The following KIAA0586 variants were observed in gnomAD, a reference collection of about 807,000 sequenced individuals.
KIAA0586 encodes KIAA0586.
KIAA0586 carries 144 observed loss-of-function variants against 169.8 expected under a neutral mutation model. The observed-to-expected ratio is 0.85, with a 90% CI of 0.74 to 0.97. The LOEUF (loss-of-function observed/expected upper bound fraction) is 0.97. KIAA0586 is among the 50% of genes least tolerant of loss of function. The pLI, the probability that KIAA0586 is intolerant of heterozygous loss-of-function variation, is 0.00. For missense variants in KIAA0586, 1,854 were observed against 1,823.0 expected (o/e 1.02, Z -0.31); for synonymous variants, 625 against 612.4 (o/e 1.02, Z -0.30).
chr14:58,445,783 C>CT (rs34119416), intron 6 of KIAA0586, among the ~76,000 whole-genome samples: 27,115 of 124,768 alleles, frequency 0.22, 5,619 homozygotes, highest in African/African-American at 0.53. Context: ...TCAGTAAACT[C>CT]TTTTTTTTTT....
At chr14:58,486,033 A>G (rs182848535) in intron 21 of KIAA0586, among the ~76,000 whole-genome samples, 226 of 152,208 alleles carry the variant, frequency 1.5e-3, no homozygotes, top group African/African-American at 5.1e-3. Flanking sequence ...TGTTATATGG[A>G]TATACTGGAC....
In KIAA0586 at chr14:58,450,768, C is replaced by A. The variant is rs778014268; in HGVS notation, c.1129+22C>A. The A allele has an allele frequency of 4.1e-6, 6 of 1,475,992 alleles. No individual in the cohort carries two copies. The African/African-American group carries it at 8.4e-5, about 21-fold the overall frequency. 91.4% of individuals were successfully genotyped at this position (1,475,992 alleles called of 1,614,324 possible). Reference sequence around the variant, plus strand: ...AGAGGTAATAGAGACTTTTACTAGACCTATCCCAAATTAGGAAATTGTCAT... The same window carrying A: ...AGAGGTAATAGAGACTTTTACTAGAACTATCCCAAATTAGGAAATTGTCAT... On this transcript the variant is annotated intron_variant, in intron 8 of 30. Transcript: ENST00000652326.
intron 5 of KIAA0586, 119 bp from the exon 6 acceptor site, chr14:58,443,835 G>C (rs2038623157): frequency 3.0e-6 from 2 of 655,808 alleles, no homozygotes; most frequent in Non-Finnish European, 5.3e-6. Context: ...CATTTAGTGG[G>C]TAAAGGCTCA....
rs868621645 is a variant in KIAA0586 at position 58,472,269 on chromosome 14, A to T, written c.2624A>T (p.Asp875Val). The change falls in exon 18 of 31, where the codon GAT (aspartate) becomes GTT (valine). Residue 875 changes from aspartate to valine, a missense_variant. Transcript: ENST00000652326. ...GGAACTAACTTTGATGAAATAATCG[A>T]TGTCATACAGGTAACAAAGCTTAGA... ...FPGTNFDEII[D>V]VIQEEEKCDE... The T allele has an allele frequency of 3.9e-6, 6 of 1,552,414 alleles. No individual in the cohort carries two copies. The highest frequency in any genetic ancestry group is 3.4e-4 in the Middle Eastern group (2 of 5,930).
chr14:58,458,543 C>A lies in KIAA0586; in HGVS notation c.1654C>A (p.Gln552Lys). 2 of 1,522,466 alleles carry A rather than the reference C, an allele frequency of 1.3e-6. No individual in the cohort carries two copies. Among genetic ancestry groups the A allele is most frequent in the Non-Finnish European group, 1.8e-6 (2 of 1,127,018 alleles). The allele number at this position is 1,522,466 out of a possible 1,614,324, so 94.3% of individuals were successfully genotyped here. The change falls in exon 12 of 31, where the codon CAG becomes AAG. Residue 552 changes from glutamine (Q) to lysine (K), a missense_variant and splice_region_variant. Transcript: ENST00000652326. Reference sequence around the variant, plus strand: ...GATTAAAACTATTTCTGCAGAAATTCAGGTATGTCTTGGAAAAAAACTGAA... The same window carrying A: ...GATTAAAACTATTTCTGCAGAAATTAAGGTATGTCTTGGAAAAAAACTGAA... ...EWIKTISAEI[Q>K]DELSRTDYEQ...
chr14:58,443,445 C>T (rs951417772), intron 5 of KIAA0586, among the ~76,000 whole-genome samples: 10 of 152,322 alleles, frequency 6.6e-5, no homozygotes, highest in Admixed American at 2.0e-4. Flanking sequence ...TTGTTTGAGA[C>T]GGAGTCTCAC....
intron 19 of KIAA0586, 92 bp downstream of exon 19, chr14:58,474,889 C>T: frequency 2.1e-6 from 2 of 964,890 alleles, no homozygotes; most frequent in Non-Finnish European, 3.0e-6. Flanking sequence ...TCCTTGTCTT[C>T]TTTTGTTTAT....
chr14:58,557,143 C>T, the KIAA0586 span, among the ~76,000 whole-genome samples: 1 of 152,204 alleles, frequency 6.6e-6, no homozygotes, highest in Admixed American at 6.5e-5. Context: ...GGTGTTACCA[C>T]TTTCTGTTAT....
chr14:58,458,201 T>G (rs2040034902), intron 11 of KIAA0586, among the ~76,000 whole-genome samples: 1 of 152,230 alleles, frequency 6.6e-6, no homozygotes, highest in African/African-American at 2.4e-5. Flanking sequence ...TTTCTTTCTT[T>G]GGTACATATC....
intron 27 of KIAA0586, among the ~76,000 whole-genome samples, chr14:58,502,715 G>T (rs942716300): frequency 6.6e-6 from 1 of 152,132 alleles, no homozygotes; most frequent in Non-Finnish European, 1.5e-5. Flanking sequence ...AGTATGAAAA[G>T]TACTATCTTA....
intron 29 of KIAA0586, chr14:58,536,985 C>T (rs753675490): frequency 2.4e-6 from 3 of 1,244,764 alleles, no homozygotes; most frequent in Non-Finnish European, 3.1e-6. Context: ...ACTTCAATAC[C>T]AGTATTATGT....
chr14:58,504,192 C>T (rs2043774845), intron 27 of KIAA0586, among the ~76,000 whole-genome samples: 1 of 151,996 alleles, frequency 6.6e-6, no homozygotes, highest in Non-Finnish European at 1.5e-5. Flanking sequence ...AGGCAAGGAG[C>T]CTGATTAGAC....
intron 19 of KIAA0586, 76 bp from the exon 20 acceptor site, chr14:58,477,047 G>T (rs992896311): frequency 7.0e-6 from 5 of 716,096 alleles, no homozygotes; most frequent in South Asian, 1.7e-5. Flanking sequence ...ATTTTTAGGG[G>T]TGGTATGTCT....
At position 58,542,826 on chromosome 14, in the gene KIAA0586, A is replaced by T. The variant is rs565267740; in HGVS notation, c.4495+2690A>T. ...CTATATAAAACACTTTGTATGTATT[A>T]TCTGGCTGAATCCTCATAAAAACCT... On this transcript the variant is annotated intron_variant, in intron 30 of 30. Coordinates refer to ENST00000652326, the MANE Select transcript of KIAA0586 (RefSeq NM_001329943.3). Among the ~76,000 whole-genome samples, 6 of 152,238 alleles carry T rather than the reference A, an allele frequency of 3.9e-5. No individual in the cohort carries two copies. In the South Asian group the frequency reaches 1.2e-3, roughly 32 times the overall value.
At chr14:58,498,579 A>G (rs2043326513) in intron 26 of KIAA0586, among the ~76,000 whole-genome samples, 1 of 152,206 alleles carries the variant, frequency 6.6e-6, no homozygotes, top group African/African-American at 2.4e-5. Context: ...TGAAATTATT[A>G]TATTGAAAAC....
chr14:58,450,440 A>T (rs940917809), intron 7 of KIAA0586, 139 bp from the exon 8 acceptor site: 2 of 567,746 alleles, frequency 3.5e-6, no homozygotes, highest in African/African-American at 3.8e-5. Flanking sequence ...AATGGGGTGA[A>T]GTTATTTCTC....
chr14:58,489,477 C>T (rs1276385296), intron 24 of KIAA0586, among the ~76,000 whole-genome samples: 1 of 152,084 alleles, frequency 6.6e-6, no homozygotes, highest in Non-Finnish European at 1.5e-5. Context: ...GTCTTGGCCT[C>T]CCAAAGGGCT....
At chr14:58,490,915 T>A (rs1299064345) in intron 25 of KIAA0586, among the ~76,000 whole-genome samples, 1 of 152,188 alleles carries the variant, frequency 6.6e-6, no homozygotes, top group East Asian at 1.9e-4. Context: ...GCTGTTTTTT[T>A]AAGTTATTTC....
chr14:58,525,887 C>T (rs1443613478), intron 29 of KIAA0586, among the ~76,000 whole-genome samples: 4 of 152,138 alleles, frequency 2.6e-5, no homozygotes, highest in African/African-American at 4.8e-5. Context: ...GAGGGGCGTC[C>T]GCCATTACTG....
Sources: gnomAD v4.1 joint callset for allele counts (sites outside exome capture counted in the v4.1 genomes callset) on GRCh38, gnomAD v4.1.1 for gene constraint, MANE v1.5 for transcripts, NCBI Gene and HGNC (gene_info 2026-07-23, HGNC 2026-07-21) for gene names.